Variants in OR51B5 observed in about 807,000 individuals in gnomAD.
OR51B5 encodes the protein olfactory receptor 51B5.
For missense variants in OR51B5, 456 were observed against 374.6 expected, an observed-to-expected ratio of 1.22 and a Z score of -1.79; for synonymous variants, 186 against 144.8, an observed-to-expected ratio of 1.28 and a Z score of -2.04.
At chr11:5,437,259 C>T (rs1406698673) in intron 1 of OR51B5, among the ~76,000 whole-genome samples, 5 of 152,242 alleles carry the variant, frequency 3.3e-5, no homozygotes, top group Non-Finnish European at 5.9e-5. Context: ...GTGCTCAGAA[C>T]CCACAGTCTA....
chr11:5,394,306 C>T (rs1327157111), intron 1 of OR51B5, among the ~76,000 whole-genome samples: 3 of 152,100 alleles, frequency 2.0e-5, no homozygotes, highest in African/African-American at 7.2e-5. Flanking sequence ...GACAAAATAT[C>T]TTGCCCAATA....
At chr11:5,477,067 T>C (rs566858139) in intron 1 of OR51B5, among the ~76,000 whole-genome samples, 1 of 152,342 alleles carries the variant, frequency 6.6e-6, no homozygotes, top group Admixed American at 6.5e-5. Flanking sequence ...AGTGTTTTCA[T>C]CATCATAAAT....
chr11:5,386,070 G>C (rs1380863930), intron 1 of OR51B5, among the ~76,000 whole-genome samples: 2 of 151,968 alleles, frequency 1.3e-5, no homozygotes, highest in Admixed American at 6.6e-5. Context: ...TGCTACAGAA[G>C]GAAGTCAGGA....
chr11:5,454,176 T>C, intron 1 of OR51B5: 2 of 1,612,550 alleles, frequency 1.2e-6, no homozygotes, highest in Non-Finnish European at 8.5e-7. Flanking sequence ...GGCCACTGCT[T>C]CCCGTGAGGA....
intron 1 of OR51B5, among the ~76,000 whole-genome samples, chr11:5,413,124 T>C (rs899472201): frequency 2.0e-5 from 3 of 152,210 alleles, no homozygotes; most frequent in Non-Finnish European, 2.9e-5. Context: ...CATTCGCGGT[T>C]CACGAAAAAC....
intron 1 of OR51B5, among the ~76,000 whole-genome samples, chr11:5,477,633 C>T (rs400525): frequency 3.9e-5 from 6 of 151,988 alleles, no homozygotes; most frequent in East Asian, 1.9e-4. Flanking sequence ...GCCAGACAGT[C>T]GGCGCAGGTC....
intron 1 of OR51B5, among the ~76,000 whole-genome samples, chr11:5,408,340 TTCCCTTCC>T (rs67724056): frequency 0.09 from 13,247 of 147,418 alleles, 1,244 homozygotes; most frequent in East Asian, 0.39. Context: ...CTTTCCTTCC[TTCCCTTCC>T]TCCCTTCCTC....
intron 1 of OR51B5, among the ~76,000 whole-genome samples, chr11:5,382,112 G>A (rs1397454919): frequency 2.0e-5 from 3 of 152,168 alleles, no homozygotes; most frequent in African/African-American, 7.2e-5. Context: ...TGTGTACCAT[G>A]TTTGACATGT....
chr11:5,468,810 T>A, intron 1 of OR51B5: 1 of 453,842 alleles, frequency 2.2e-6, no homozygotes, highest in Non-Finnish European at 4.4e-6. Context: ...GAGATGACAA[T>A]GAACAGGCCA....
At chr11:5,343,306 C>A in exon 1 of OR51B5, 1 of 1,609,838 alleles carries the variant, frequency 6.2e-7, no homozygotes, top group South Asian at 1.1e-5. Flanking sequence ...GCATTGTGGT[C>A]AGGGCCAGCC....
chr11:5,351,766 C>T (rs867826712), intron 1 of OR51B5: 1 of 1,613,890 alleles, frequency 6.2e-7, no homozygotes, highest in Non-Finnish European at 8.5e-7. Context: ...GTGGTTAGAT[C>T]ACAGGGAGAT....
At chr11:5,494,327 C>T (rs931380451) in intron 1 of OR51B5, among the ~76,000 whole-genome samples, 1 of 152,138 alleles carries the variant, frequency 6.6e-6, no homozygotes, top group South Asian at 2.1e-4. Context: ...TTGTCTCTTC[C>T]TCTGTGGACT....
chr11:5,374,361 A>G (rs1382058021), intron 1 of OR51B5, among the ~76,000 whole-genome samples: 1 of 152,158 alleles, frequency 6.6e-6, no homozygotes, highest in African/African-American at 2.4e-5. Flanking sequence ...CCAAAAGTAG[A>G]TACAACCACA....
chr11:5,343,733 T>G, upstream of OR51B5: 1 of 437,494 alleles, frequency 2.3e-6, no homozygotes, highest in African/African-American at 2.0e-5. Flanking sequence ...AGGATCTATC[T>G]CCTACCTACG....
chr11:5,377,491 T>C (rs2133714127), intron 1 of OR51B5, among the ~76,000 whole-genome samples: 1 of 152,188 alleles, frequency 6.6e-6, no homozygotes, highest in South Asian at 2.1e-4. Flanking sequence ...GAAAAAAGGG[T>C]ATTCAATTAA....
chr11:5,364,256 T>A (rs1849331559), intron 1 of OR51B5, among the ~76,000 whole-genome samples: 1 of 152,218 alleles, frequency 6.6e-6, no homozygotes, highest in Non-Finnish European at 1.5e-5. Flanking sequence ...CATAGTTAGA[T>A]GAGCTTTTGA....
At chr11:5,412,956 C>T (rs1382212316) in intron 1 of OR51B5, among the ~76,000 whole-genome samples, 2 of 152,128 alleles carry the variant, frequency 1.3e-5, no homozygotes, top group Admixed American at 1.3e-4. Flanking sequence ...TCCCAGCATG[C>T]AGCTGGAGAT....
chr11:5,351,599 C>T lies in OR51B5; in HGVS notation n.85-4689G>A, dbSNP rs985721721. ...CACTGGATATTCATCCCATTATTGG[C>T]AGCCTACATCTCCATACTTCTTGGC... On this transcript the variant is annotated intron_variant and non_coding_transcript_variant, in intron 1 of 4. Transcript: ENST00000415970. 2.5e-6 allele frequency: 4 copies of T among 1,613,954 alleles called. No individual in the cohort carries two copies. The African/African-American group carries it at 4.0e-5, about 16-fold the overall frequency.
At chr11:5,455,057 A>G (rs1214111587) in intron 1 of OR51B5, 1 of 152,292 alleles carries the variant, frequency 6.6e-6, no homozygotes, top group African/African-American at 2.4e-5. Flanking sequence ...CTTAACTATT[A>G]GAACTCACCA....
Sources: gnomAD v4.1 joint callset for allele counts (sites outside exome capture counted in the v4.1 genomes callset) on GRCh38, gnomAD v4.1.1 for gene constraint, MANE v1.5 for transcripts, NCBI Gene and HGNC (gene_info 2026-07-23, HGNC 2026-07-21) for gene names.